LRRC36: variants seen among roughly 807,000 people sequenced by gnomAD.
LRRC36 encodes leucine-rich repeat-containing protein 36.
LRRC36 carries 62 observed loss-of-function variants against 81.1 expected under a neutral mutation model. That is an observed-to-expected ratio of 0.76 (90% CI 0.62 to 0.94). The LOEUF is 0.94. Among genes scored for constraint, LRRC36 ranks in the 40% least tolerant of loss-of-function variants. The pLI, the probability that LRRC36 is intolerant of heterozygous loss-of-function variation, is 0.00. For missense variants in LRRC36, 761 were observed against 881.7 expected (o/e 0.86, Z 1.73); for synonymous variants, 334 against 348.6 (o/e 0.96, Z 0.47).
chr16:67,344,015 C>T (rs2038225400), intron 2 of LRRC36, among the ~76,000 whole-genome samples: 1 of 151,958 alleles, frequency 6.6e-6, no homozygotes, highest in South Asian at 2.1e-4. Context: ...CAGGGTTTCA[C>T]CATGTTAGCC....
At chr16:67,364,901 T>C (rs2039313683) in intron 6 of LRRC36, among the ~76,000 whole-genome samples, 1 of 152,200 alleles carries the variant, frequency 6.6e-6, no homozygotes, top group Non-Finnish European at 1.5e-5. Flanking sequence ...CCTTGCCTAG[T>C]TATGCCTCAG....
chr16:67,374,701 A>T (rs1357533269), intron 9 of LRRC36, among the ~76,000 whole-genome samples: 2 of 151,970 alleles, frequency 1.3e-5, no homozygotes, highest in Non-Finnish European at 2.9e-5. Context: ...TGGCCTGAAA[A>T]TTTCTATTAA....
intron 6 of LRRC36, among the ~76,000 whole-genome samples, chr16:67,364,792 TG>T (rs2039308634): frequency 6.6e-6 from 1 of 152,168 alleles, no homozygotes; most frequent in South Asian, 2.1e-4. Flanking sequence ...AATAAGGAAG[TG>T]GGATTTCTTT....
At chr16:67,378,550 G>C (rs1597505948) in intron 11 of LRRC36, 39 bp from the exon 12 acceptor site, 1 of 1,605,086 alleles carries the variant, frequency 6.2e-7, no homozygotes, top group East Asian at 2.2e-5. Context: ...TAGAATGTCA[G>C]ATTCTTAATG....
rs779293790 is a variant in LRRC36, at chr16:67,346,355, A to G, written c.298A>G (p.Lys100Glu). Residue 100 changes from lysine to glutamate, a missense_variant, in exon 3 of 14, where the codon AAA becomes GAA. Around this residue, in one of 3 missense-constraint regions of LRRC36, gnomAD observed 263 missense variants for 279.3 expected, o/e 0.94. Coordinates refer to ENST00000329956, the MANE Select transcript of LRRC36 (RefSeq NM_018296.6). ...VSRLQPLPFL[K>E]ELDLRLNPVV... ...CCGTCTACAACCGTTACCCTTCCTC[A>G]AAGAACTGGATTTGAGACTTAATCC... 1.2e-6 allele frequency: 2 copies of G among 1,613,078 alleles called. No homozygotes were observed. The highest frequency in any genetic ancestry group is 4.5e-5 in the East Asian group (2 of 44,858).
chr16:67,352,784 C>T (rs1004214289), intron 5 of LRRC36, among the ~76,000 whole-genome samples: 1 of 151,618 alleles, frequency 6.6e-6, no homozygotes. Flanking sequence ...CTCAAGCCAT[C>T]CTCCCAGTTC....
rs1419917196 is a variant in LRRC36 at position 67,371,070 on chromosome 16, G to A, written c.1322G>A (p.Gly441Glu). Residue 441 changes from glycine to glutamate, a missense_variant, in exon 9 of 14, where the codon GGA becomes GAA. Physicochemically the swap from Gly to Glu is moderately conservative, Grantham distance 98. Around this residue, in one of 3 missense-constraint regions of LRRC36, gnomAD observed 359 missense variants for 388.4 expected, o/e 0.92. Coordinates refer to ENST00000329956, the MANE Select transcript of LRRC36 (RefSeq NM_018296.6). Reference sequence around the variant, plus strand: ...TCTGTCCCAAACAACGCTGTCCTGGGAAACAGGACAACTCCTCTGCGGACA... The same window carrying A: ...TCTGTCCCAAACAACGCTGTCCTGGAAAACAGGACAACTCCTCTGCGGACA... Reference protein sequence around the residue: ...HGSVPNNAVLGNRTTPLRTLL... With the variant: ...HGSVPNNAVLENRTTPLRTLL... 4.3e-6 allele frequency: 7 copies of A among 1,614,046 alleles called. No homozygotes were observed. Among genetic ancestry groups the A allele is most frequent in the Non-Finnish European group, 5.1e-6 (6 of 1,180,032 alleles).
chr16:67,366,159 TTTTTTA>T (rs1169495759), intron 7 of LRRC36, among the ~76,000 whole-genome samples: 1 of 152,112 alleles, frequency 6.6e-6, no homozygotes. Context: ...TTTTTTAATT[TTTTTTA>T]TTTTTGAGAC....
intron 1 of LRRC36, among the ~76,000 whole-genome samples, chr16:67,330,058 A>T (rs949689049): frequency 5.9e-5 from 9 of 152,186 alleles, no homozygotes; most frequent in Non-Finnish European, 1.3e-4. Context: ...CTGGCTTTGA[A>T]AGAGTTTACT....
At chr16:67,360,597 A>G (rs1199963668) in intron 5 of LRRC36, among the ~76,000 whole-genome samples, 1 of 152,232 alleles carries the variant, frequency 6.6e-6, no homozygotes, top group Non-Finnish European at 1.5e-5. Context: ...AAAAAGGTTG[A>G]TAGCTCATGT....
intron 1 of LRRC36, among the ~76,000 whole-genome samples, chr16:67,338,457 A>G (rs188978821): frequency 3.3e-5 from 5 of 152,284 alleles, no homozygotes; most frequent in Middle Eastern, 3.4e-3. Context: ...AAAGGAAGGA[A>G]TATTTTAATA....
Sources: gnomAD v4.1 joint callset for allele counts (sites outside exome capture counted in the v4.1 genomes callset) on GRCh38, gnomAD v4.1.1 for gene constraint, gnomAD v4.1.1 regional missense constraint, MANE v1.5 for transcripts, NCBI Gene and HGNC (gene_info 2026-07-23, HGNC 2026-07-21) for gene names.